The following CNKSR3 variants were observed in gnomAD, a reference collection of about 807,000 sequenced individuals.
CNKSR3 encodes connector enhancer of kinase suppressor of ras 3.
In CNKSR3, 36 loss-of-function variants were observed where a neutral mutation model predicts 67.7. The ratio of observed to expected loss-of-function variants is 0.53; its 90% CI spans 0.41 to 0.70. The LOEUF (loss-of-function observed/expected upper bound fraction) is 0.70, where lower values mean the gene tolerates loss of function less well. Ranked by LOEUF, CNKSR3 falls within the 30% of genes least tolerant of loss-of-function variation. The pLI, the probability that CNKSR3 is intolerant of heterozygous loss-of-function variation, is 0.00. For synonymous variants in CNKSR3, 281 were observed against 271.4 expected, an observed-to-expected ratio of 1.04 and a Z score of -0.35; for missense variants, 630 against 695.2, an observed-to-expected ratio of 0.91 and a Z score of 1.05.
intron 1 of CNKSR3, among the ~76,000 whole-genome samples, chr6:154,470,497 T>G (rs1786305720): frequency 1.3e-5 from 2 of 152,166 alleles, no homozygotes; most frequent in Non-Finnish European, 2.9e-5. Context: ...TCTCTATGAT[T>G]TGCCTGTTCT....
At chr6:154,446,089 T>A (rs1311107688) in intron 2 of CNKSR3, among the ~76,000 whole-genome samples, 1 of 152,188 alleles carries the variant, frequency 6.6e-6, no homozygotes, top group Non-Finnish European at 1.5e-5. Context: ...ATCAAAAAGA[T>A]ACAAATTAAG....
chr6:154,467,418 C>T (rs1372777619), intron 1 of CNKSR3, among the ~76,000 whole-genome samples: 1 of 152,202 alleles, frequency 6.6e-6, no homozygotes, highest in Admixed American at 6.5e-5. Context: ...TCATGGAGGG[C>T]TTACAGATGC....
chr6:154,510,245 G>T lies in CNKSR3; in HGVS notation c.-131C>A, dbSNP rs1316372423. The T allele has an allele frequency of 6.0e-6, 6 of 1,004,564 alleles. No individual in the cohort carries two copies. Among genetic ancestry groups the T allele is most frequent in the Non-Finnish European group, 9.0e-6 (6 of 666,886 alleles). The allele number at this position is 1,004,564 out of a possible 1,614,324, so 62.2% of individuals were successfully genotyped here. On this transcript the variant is annotated 5_prime_UTR_variant, in exon 1 of 13. Transcript: ENST00000607772. ...GCGCCCGAGCGACTCCGTCAAGACT[G>T]CATGGCCGCGGTCAGCCAGTCGTCC...
intron 9 of CNKSR3, among the ~76,000 whole-genome samples, chr6:154,422,024 ACT>A (rs2128713765): frequency 7.4e-6 from 1 of 134,834 alleles, no homozygotes; most frequent in African/African-American, 2.9e-5. Context: ...ATAGAGTCTC[ACT>A]CTGTCGTCCA....
intron 3 of CNKSR3, among the ~76,000 whole-genome samples, chr6:154,441,752 A>AC (rs1491397028): frequency 6.9e-6 from 1 of 145,792 alleles, no homozygotes; most frequent in African/African-American, 2.5e-5. Context: ...AAAACAAAAC[A>AC]AAACAAAAAT....
chr6:154,426,672 G>T (rs1025534734), intron 7 of CNKSR3, among the ~76,000 whole-genome samples: 1 of 152,082 alleles, frequency 6.6e-6, no homozygotes, highest in Admixed American at 6.6e-5. Flanking sequence ...TCTTTAAAAC[G>T]GGGGGTGGTG....
chr6:154,474,048 G>C (rs965383477), intron 1 of CNKSR3, among the ~76,000 whole-genome samples: 4 of 150,986 alleles, frequency 2.6e-5, no homozygotes, highest in Admixed American at 2.6e-4. Flanking sequence ...CTCCCAAAGT[G>C]CTGGGATTAC....
intron 8 of CNKSR3, 59 bp from the exon 9 acceptor site, chr6:154,422,711 C>T: frequency 1.3e-6 from 2 of 1,580,576 alleles, no homozygotes; most frequent in Non-Finnish European, 1.7e-6. Flanking sequence ...AAAAACCGAA[C>T]CTATGAATTT....
intron 1 of CNKSR3, among the ~76,000 whole-genome samples, chr6:154,456,707 CAAAAAAAAAAA>C (rs10536163): frequency 1.5e-3 from 69 of 45,398 alleles, no homozygotes; most frequent in African/African-American, 5.4e-3. Context: ...AACTCTGTCT[CAAAAAAAAAAA>C]AAAAAAAAAA....
At chr6:154,426,435 C>G (rs1785257501) in intron 7 of CNKSR3, among the ~76,000 whole-genome samples, 2 of 152,012 alleles carry the variant, frequency 1.3e-5, no homozygotes, top group Non-Finnish European at 2.9e-5. Flanking sequence ...GATCTCGGCT[C>G]ACTGCAGCCT....
At chr6:154,441,453 A>G in intron 3 of CNKSR3, 74 bp from the exon 4 acceptor site, 5 of 1,066,436 alleles carry the variant, frequency 4.7e-6, no homozygotes, top group Non-Finnish European at 7.3e-6. Context: ...GTTGGTAAGC[A>G]TAGCTACCCC....
intron 1 of CNKSR3, among the ~76,000 whole-genome samples, chr6:154,486,776 A>G (rs369870940): frequency 1.4e-4 from 21 of 152,202 alleles, no homozygotes; most frequent in Admixed American, 6.5e-4. Flanking sequence ...TTACAGGCGT[A>G]AGCCACTACA....
chr6:154,462,132 A>G (rs1890384), intron 1 of CNKSR3, among the ~76,000 whole-genome samples: 106,491 of 152,106 alleles, frequency 0.7, 37,732 homozygotes, highest in African/African-American at 0.81. Flanking sequence ...ACAATTCAGC[A>G]GGTTTTAGAA....
chr6:154,442,896 ATTTT>A (rs1785631598), intron 2 of CNKSR3, among the ~76,000 whole-genome samples: 1 of 98,456 alleles, frequency 1.0e-5, no homozygotes. Context: ...TATTTTTTTT[ATTTT>A]ATTTTTTGAG....
intron 1 of CNKSR3, among the ~76,000 whole-genome samples, chr6:154,491,069 A>T (rs1346337927): frequency 6.6e-6 from 1 of 151,588 alleles, no homozygotes; most frequent in Non-Finnish European, 1.5e-5. Context: ...CTGGTCTTGA[A>T]CTCCCGACAT....
At position 154,441,272 on chromosome 6, in the gene CNKSR3, G is replaced by GAAAAAA; in HGVS notation, c.507+19_507+20insTTTTTT. On this transcript the variant is annotated intron_variant, in intron 4 of 12. Coordinates refer to ENST00000607772, the MANE Select transcript of CNKSR3 (RefSeq NM_173515.4). ...AAAAAAAAAAAAAAAAAAAGAAAGT[G>GAAAAAA]AAAATGACATACTACTGACCTTCTG... 9.9e-7 allele frequency: 1 copy of GAAAAAA among 1,012,078 alleles called. No homozygotes were observed. Among genetic ancestry groups the GAAAAAA allele is most frequent in the South Asian group, 1.5e-5 (1 of 66,434 alleles). The allele number at this position is 1,012,078 out of a possible 1,614,324, so 62.7% of individuals were successfully genotyped here.
chr6:154,508,681 A>T (rs1169730433), intron 1 of CNKSR3, among the ~76,000 whole-genome samples: 2 of 152,184 alleles, frequency 1.3e-5, no homozygotes, highest in Non-Finnish European at 2.9e-5. Flanking sequence ...ACCAAGGGAA[A>T]CCTAGTCACC....
rs1402609783 is a variant in CNKSR3 at position 154,402,468 on chromosome 6, C to A, written c.*3886G>T. On this transcript the variant is annotated 3_prime_UTR_variant, in exon 13 of 13. Transcript: ENST00000607772. ...AGAGAATTCTATAAATGGAAGGAAG[C>A]CTATATACTGAGTGATTATGAGCAA... is the stretch of plus-strand genomic sequence containing the variant. 6.6e-6 allele frequency: 1 copy of A among 152,170 alleles called. No homozygotes were observed. The highest frequency in any genetic ancestry group is 1.5e-5 in the Non-Finnish European group (1 of 68,044). 9.4% of individuals were successfully genotyped at this position (152,170 alleles called of 1,614,324 possible).
At chr6:154,490,515 C>A (rs1786765667) in intron 1 of CNKSR3, among the ~76,000 whole-genome samples, 1 of 152,114 alleles carries the variant, frequency 6.6e-6, no homozygotes. Flanking sequence ...TATAATGTAT[C>A]TATTATATGT....
Sources: allele counts gnomAD v4.1 joint callset (sites outside exome capture counted in the v4.1 genomes callset), GRCh38; gene constraint gnomAD v4.1.1; transcripts MANE v1.5; gene names NCBI Gene and HGNC (gene_info 2026-07-23, HGNC 2026-07-21).